Variants in NFKB1 observed in about 807,000 individuals in gnomAD.
The protein encoded by NFKB1 is nuclear factor NF-kappa-B p105 subunit.
NFKB1 carries 9 observed loss-of-function variants against 105.1 expected under a neutral mutation model. The observed-to-expected ratio is 0.09, with a 90% CI of 0.05 to 0.15. The LOEUF (loss-of-function observed/expected upper bound fraction) is 0.15. Among genes scored for constraint, NFKB1 ranks in the 10% least tolerant of loss-of-function variants. The pLI is 1.00. For synonymous variants in NFKB1, 440 were observed against 442.2 expected (o/e 1.00, Z 0.06); for missense variants, 830 against 1,203.7 (o/e 0.69, Z 4.59).
At chr4:102,524,254 C>T (rs1169813797) in intron 1 of NFKB1, among the ~76,000 whole-genome samples, 1 of 152,090 alleles carries the variant, frequency 6.6e-6, no homozygotes, top group Non-Finnish European at 1.5e-5. Flanking sequence ...TTCCTTGCTT[C>T]TATCAGGGAG....
At chr4:102,515,132 A>G (rs1254428392) in intron 1 of NFKB1, among the ~76,000 whole-genome samples, 14 of 55,694 alleles carry the variant, frequency 2.5e-4, no homozygotes, top group African/African-American at 8.6e-4. Context: ...TTTTTTTGAG[A>G]CGGAGTCTCG....
intron 1 of NFKB1, among the ~76,000 whole-genome samples, chr4:102,516,107 A>C (rs562898690): frequency 6.6e-6 from 1 of 152,034 alleles, no homozygotes; most frequent in South Asian, 2.1e-4. Context: ...CAGAAACATC[A>C]TGCTTATCAT....
At chr4:102,510,996 C>T in intron 1 of NFKB1, 1 of 1,266,820 alleles carries the variant, frequency 7.9e-7, no homozygotes, top group Non-Finnish European at 1.0e-6. Context: ...CTTTAAAAAG[C>T]AGGATTGGAG....
Position 102,593,535 on chromosome 4 carries a change from G to A in NFKB1, c.1177G>A (p.Gly393Ser), listed in dbSNP as rs780529668. 12 of 1,613,608 alleles carry A rather than the reference G, an allele frequency of 7.4e-6. No individual in the cohort carries two copies. Among genetic ancestry groups the A allele is most frequent in the Admixed American group, 5.0e-5 (3 of 59,988 alleles). Residue 393 changes from glycine to serine, a missense_variant, in exon 12 of 24, where the codon GGT (glycine) becomes AGT (serine). Physicochemically the swap from Gly to Ser is moderately conservative, Grantham distance 56. Coordinates refer to ENST00000226574, the MANE Select transcript of NFKB1 (RefSeq NM_003998.4). ...AGGGGMFGSG[G>S]GGGGTGSTGP... ...AGGCGGAGGCATGTTTGGTAGTGGC[G>A]GTGGAGGAGGGGGCACTGGAAGTAC...
chr4:102,570,242 C>G (rs1018636439), intron 6 of NFKB1, among the ~76,000 whole-genome samples: 4 of 152,054 alleles, frequency 2.6e-5, no homozygotes, highest in East Asian at 1.9e-4. Context: ...TCTTCAGTGT[C>G]TGTTGTTCCC....
At chr4:102,511,704 CT>C (rs1193086323) in intron 1 of NFKB1, among the ~76,000 whole-genome samples, 1 of 152,020 alleles carries the variant, frequency 6.6e-6, no homozygotes. Flanking sequence ...GAAAGAGAAA[CT>C]TTATTTTTAC....
At chr4:102,588,512 A>T (rs972210629) in intron 11 of NFKB1, among the ~76,000 whole-genome samples, 1 of 152,182 alleles carries the variant, frequency 6.6e-6, no homozygotes, top group African/African-American at 2.4e-5. Flanking sequence ...GAGATTAGGG[A>T]TAAATAATCT....
At chr4:102,522,224 A>T (rs1163557998) in intron 1 of NFKB1, among the ~76,000 whole-genome samples, 1 of 152,242 alleles carries the variant, frequency 6.6e-6, no homozygotes, top group Non-Finnish European at 1.5e-5. Flanking sequence ...AATATTACTT[A>T]GTGATTCATC....
intron 1 of NFKB1, among the ~76,000 whole-genome samples, chr4:102,522,092 A>C (rs542372900): frequency 6.6e-6 from 1 of 152,264 alleles, no homozygotes; most frequent in Non-Finnish European, 1.5e-5. Context: ...AAGTGAGGGG[A>C]AGGGCTGGGG....
chr4:102,547,210 G>A (rs1204108653), intron 5 of NFKB1, among the ~76,000 whole-genome samples: 1 of 152,126 alleles, frequency 6.6e-6, no homozygotes, highest in Non-Finnish European at 1.5e-5. Context: ...AGACCAGGCA[G>A]AATGAAAATA....
In NFKB1 at chr4:102,606,664, G is replaced by T; in HGVS notation, c.1921G>T (p.Ala641Ser). Residue 641 changes from alanine (A) to serine (S), a missense_variant, in exon 17 of 24, where the codon GCA becomes TCA. This residue lies in a region of NFKB1 where 418 missense variants were observed against 575.3 expected (regional missense o/e 0.73). Transcript: ENST00000226574. ...VLSILLKHKK[A>S]ALLLDHPNGD... ...CAGTATCTTACTCAAGCACAAAAAG[G>T]CAGCACTACTTCTTGACCACCCCAA... The T allele has an allele frequency of 6.2e-7, 1 of 1,614,164 alleles. No individual in the cohort carries two copies. The highest frequency in any genetic ancestry group is 8.5e-7 in the Non-Finnish European group (1 of 1,180,016).
chr4:102,610,747 G>A, intron 20 of NFKB1, 48 bp downstream of exon 20: 1 of 1,602,574 alleles, frequency 6.2e-7, no homozygotes, highest in South Asian at 1.1e-5. Context: ...GGGAGTCAGA[G>A]GTTCAGGAAT....
chr4:102,555,567 A>G (rs1365118647), intron 5 of NFKB1, among the ~76,000 whole-genome samples: 1 of 152,212 alleles, frequency 6.6e-6, no homozygotes, highest in Non-Finnish European at 1.5e-5. Context: ...GTAAAGATAA[A>G]TTTCTAAGAG....
intron 1 of NFKB1, among the ~76,000 whole-genome samples, chr4:102,519,481 T>C (rs1031319495): frequency 7.3e-5 from 11 of 150,516 alleles, no homozygotes; most frequent in Admixed American, 6.6e-4. Flanking sequence ...TCTTTTGAGA[T>C]AGACCAAAGA....
chr4:102,570,478 T>C (rs891800352), intron 6 of NFKB1, among the ~76,000 whole-genome samples: 1 of 152,172 alleles, frequency 6.6e-6, no homozygotes, highest in Non-Finnish European at 1.5e-5. Context: ...GGAATTTAGG[T>C]TGATTCCATG....
chr4:102,607,281 C>G lies in NFKB1; in HGVS notation c.2086C>G (p.His696Asp), dbSNP rs1727853719. 3.1e-6 allele frequency: 5 copies of G among 1,614,098 alleles called. No homozygotes were observed. The highest frequency in any genetic ancestry group is 3.4e-6 in the Non-Finnish European group (4 of 1,179,932). The change falls in exon 18 of 24, where the codon CAC becomes GAC. Residue 696 changes from histidine to aspartate, a missense_variant. This residue lies in a region of NFKB1 where 418 missense variants were observed against 575.3 expected (regional missense o/e 0.73). Coordinates refer to ENST00000226574, the MANE Select transcript of NFKB1 (RefSeq NM_003998.4). ...GRTALHLAVEHDNISLAGCLL... is the reference protein window; with the variant it reads ...GRTALHLAVEDDNISLAGCLL... Reference sequence around the variant, plus strand: ...CACAGCACTGCACCTGGCTGTGGAGCACGACAACATCTCATTGGCAGGCTG... The same window carrying G: ...CACAGCACTGCACCTGGCTGTGGAGGACGACAACATCTCATTGGCAGGCTG...
intron 6 of NFKB1, among the ~76,000 whole-genome samples, chr4:102,575,503 AAT>A (rs1351220721): frequency 2.6e-5 from 4 of 151,644 alleles, no homozygotes; most frequent in Admixed American, 1.3e-4. Context: ...TACCTCTCTG[AAT>A]TCTTCACTTA....
At chr4:102,574,176 A>T (rs1578781418) in intron 6 of NFKB1, among the ~76,000 whole-genome samples, 1 of 103,974 alleles carries the variant, frequency 9.6e-6, no homozygotes, top group Admixed American at 1.2e-4. Context: ...GAGGATTGGG[A>T]TGAAGTTAAA....
intron 6 of NFKB1, among the ~76,000 whole-genome samples, chr4:102,573,079 C>T (rs1007240021): frequency 2.0e-5 from 3 of 152,092 alleles, no homozygotes; most frequent in Non-Finnish European, 2.9e-5. Flanking sequence ...AAGGCCGAGG[C>T]GGGCAGGTCA....
Sources: allele counts gnomAD v4.1 joint callset (sites outside exome capture counted in the v4.1 genomes callset), GRCh38; gene constraint gnomAD v4.1.1; regional missense constraint gnomAD v4.1.1; transcripts MANE v1.5; gene names NCBI Gene and HGNC (gene_info 2026-07-23, HGNC 2026-07-21).